The following AP2B1 variants were observed in gnomAD, a reference collection of about 807,000 sequenced individuals.
AP2B1 encodes adaptor related protein complex 2 subunit beta 1, also known as AP-2 complex subunit beta.
In AP2B1, 23 loss-of-function variants were observed where a neutral mutation model predicts 102.0. The ratio of observed to expected loss-of-function variants is 0.23; its 90% confidence interval spans 0.16 to 0.32. AP2B1 has a LOEUF of 0.32. Among genes scored for constraint, AP2B1 ranks in the 10% least tolerant of loss-of-function variants. The pLI, the probability that AP2B1 is intolerant of heterozygous loss-of-function variation, is 1.00. For synonymous variants in AP2B1, 381 were observed against 421.2 expected, an observed-to-expected ratio of 0.90 and a Z score of 1.17; for missense variants, 541 against 1,157.4, an observed-to-expected ratio of 0.47 and a Z score of 7.73.
At chr17:35,697,765 C>T (rs6505489) in intron 18 of AP2B1, among the ~76,000 whole-genome samples, 72,690 of 151,724 alleles carry the variant, frequency 0.48, 17,441 homozygotes, top group East Asian at 0.52. Context: ...AGTTCAAGAC[C>T]AGCCTGGCCA....
chr17:35,618,192 C>A (rs2074078025), intron 5 of AP2B1, among the ~76,000 whole-genome samples: 1 of 152,158 alleles, frequency 6.6e-6, no homozygotes, highest in Non-Finnish European at 1.5e-5. Flanking sequence ...GTACTGCAGT[C>A]ATTGTCTCCT....
intron 12 of AP2B1, among the ~76,000 whole-genome samples, chr17:35,644,927 G>A (rs1375266923): frequency 1.3e-5 from 2 of 152,024 alleles, no homozygotes; most frequent in Non-Finnish European, 2.9e-5. Context: ...AGCTACTTGG[G>A]AGGTTGAGGT....
chr17:35,595,856 C>T (rs932239771), intron 2 of AP2B1, among the ~76,000 whole-genome samples: 12 of 152,056 alleles, frequency 7.9e-5, no homozygotes, highest in African/African-American at 2.9e-4. Flanking sequence ...CTTCTGTTAG[C>T]ATTTTGTGTG....
intron 14 of AP2B1, among the ~76,000 whole-genome samples, chr17:35,658,377 T>C (rs546474210): frequency 6.6e-6 from 1 of 151,940 alleles, no homozygotes; most frequent in African/African-American, 2.4e-5. Flanking sequence ...TACTCCATTC[T>C]ATCATACTTC....
chr17:35,594,876 C>CT (rs2073214454), intron 2 of AP2B1, among the ~76,000 whole-genome samples: 1 of 152,142 alleles, frequency 6.6e-6, no homozygotes, highest in African/African-American at 2.4e-5. Context: ...AAAATTGTTC[C>CT]TAAATAAAAT....
rs181958408 is a variant in AP2B1 at position 35,634,979 on chromosome 17, C to T, written c.1156-1362C>T. ...ATCCAAGATGGGTGTGTGTGTTTCT[C>T]TGTTTCTGGACTTTTTGTATATACA... On this transcript the variant is annotated intron_variant, in intron 9 of 21. Transcript: ENST00000610402. Among the ~76,000 whole-genome samples, 13 of 151,366 alleles carry T rather than the reference C, an allele frequency of 8.6e-5. 1 individual carries two copies. Among genetic ancestry groups the T allele is most frequent in the African/African-American group, 3.2e-4 (13 of 41,120 alleles).
intron 18 of AP2B1, among the ~76,000 whole-genome samples, chr17:35,700,670 G>A (rs1304231246): frequency 1.3e-5 from 2 of 152,104 alleles, no homozygotes; most frequent in African/African-American, 4.8e-5. Context: ...ACTGGTACAA[G>A]GTTAGAATAT....
chr17:35,646,013 TTTTGATGTAATGAATCAGAA>T (rs2074922909), intron 12 of AP2B1, among the ~76,000 whole-genome samples: 1 of 152,254 alleles, frequency 6.6e-6, no homozygotes, highest in African/African-American at 2.4e-5. Context: ...TAGGCCCTAC[TTTTGATGTAATGAATCAGAA>T]TCTCTGAAGT....
chr17:35,660,519 T>C (rs1352120437), intron 14 of AP2B1, among the ~76,000 whole-genome samples: 4 of 150,634 alleles, frequency 2.7e-5, no homozygotes, highest in Admixed American at 2.6e-4. Context: ...GTTTCACTCT[T>C]GTTGCCCAGG....
chr17:35,656,696 C>CCATCCTGGCTAA (rs1401835992), intron 13 of AP2B1, among the ~76,000 whole-genome samples: 3 of 151,788 alleles, frequency 2.0e-5, no homozygotes, highest in Non-Finnish European at 4.4e-5. Context: ...GAGATCGAGA[C>CCATCCTGGCTAA]CACGGTGATA....
chr17:35,688,148 C>G (rs2075973153), intron 18 of AP2B1, among the ~76,000 whole-genome samples: 1 of 152,200 alleles, frequency 6.6e-6, no homozygotes, highest in Non-Finnish European at 1.5e-5. Context: ...TCAGCTCTCT[C>G]CTACTCAGGA....
At chr17:35,610,153 A>ATTTTTTAT (rs554697739) in intron 5 of AP2B1, among the ~76,000 whole-genome samples, 2,144 of 149,760 alleles carry the variant, frequency 0.014, 23 homozygotes, top group Middle Eastern at 0.031. Context: ...TTTATTTTTT[A>ATTTTTTAT]TTTTTTTTTG....
Position 35,624,516 on chromosome 17 carries a change from T to G in AP2B1, c.645T>G (p.Thr215=). 6.2e-7 allele frequency: 1 copy of G among 1,614,196 alleles called. No individual in the cohort carries two copies. Among genetic ancestry groups the G allele is most frequent in the Non-Finnish European group, 8.5e-7 (1 of 1,180,016 alleles). ...TGCTGACAGCCCTGAATGAATGCAC[T>G]GAATGGGGCCAGATTTTCATCCTGG... ...NKLLTALNEC[T]EWGQIFILDC... The change falls in exon 6 of 22, where the codon ACT becomes ACG. Residue 215 remains threonine, a synonymous_variant. Transcript: ENST00000610402.
intron 11 of AP2B1, among the ~76,000 whole-genome samples, chr17:35,640,240 T>TA (rs372590594): frequency 0.67 from 92,908 of 137,968 alleles, 29,545 homozygotes; most frequent in Middle Eastern, 0.73. Context: ...TTTTTTTTTT[T>TA]TTTTTTTTTT....
At chr17:35,661,294 G>A (rs944874181) in intron 14 of AP2B1, among the ~76,000 whole-genome samples, 2 of 152,126 alleles carry the variant, frequency 1.3e-5, no homozygotes, top group African/African-American at 4.8e-5. Flanking sequence ...CCACCTCTGG[G>A]AGGCAGGACC....
intron 9 of AP2B1, among the ~76,000 whole-genome samples, chr17:35,631,320 A>G (rs1598105812): frequency 6.6e-6 from 1 of 152,192 alleles, no homozygotes; most frequent in African/African-American, 2.4e-5. Flanking sequence ...GACAAAAAAC[A>G]TATTTTTCCT....
chr17:35,601,057 G>T, intron 3 of AP2B1: 1 of 955,648 alleles, frequency 1.0e-6, no homozygotes, highest in Non-Finnish European at 1.2e-6. Flanking sequence ...AAACGTTTTT[G>T]TAAAGGACAA....
chr17:35,626,479 C>T (rs2037104122), intron 6 of AP2B1, 142 bp from the exon 7 acceptor site: 1 of 706,552 alleles, frequency 1.4e-6, no homozygotes, highest in Admixed American at 3.0e-5. Context: ...CCCAATTTTA[C>T]CTAAGCATGG....
At chr17:35,643,960 A>G (rs1292172016) in intron 12 of AP2B1, among the ~76,000 whole-genome samples, 3 of 152,208 alleles carry the variant, frequency 2.0e-5, no homozygotes, top group East Asian at 3.8e-4. Flanking sequence ...ACAATCTCCC[A>G]TGGAAACTAT....
Sources: gnomAD v4.1 joint callset for allele counts (sites outside exome capture counted in the v4.1 genomes callset) on GRCh38, gnomAD v4.1.1 for gene constraint, MANE v1.5 for transcripts, NCBI Gene and HGNC (gene_info 2026-07-23, HGNC 2026-07-21) for gene names.